YEATS2: variants seen among roughly 807,000 people sequenced by gnomAD.
YEATS2 encodes YEATS domain-containing protein 2.
In YEATS2, 77 loss-of-function variants were observed where a neutral mutation model predicts 163.2. That is an observed-to-expected ratio of 0.47 (90% CI 0.39 to 0.57). YEATS2 has a LOEUF of 0.57. YEATS2 is among the 20% of genes least tolerant of loss of function. The pLI, the probability that YEATS2 is intolerant of heterozygous loss-of-function variation, is 0.00. For missense variants in YEATS2, 1,549 were observed against 1,729.8 expected (o/e 0.90, Z 1.85); for synonymous variants, 631 against 645.1 (o/e 0.98, Z 0.33).
At chr3:183,745,732 C>A (rs917272234) in intron 8 of YEATS2, among the ~76,000 whole-genome samples, 1 of 152,146 alleles carries the variant, frequency 6.6e-6, no homozygotes, top group Non-Finnish European at 1.5e-5. Flanking sequence ...TCTCTCCTTA[C>A]CCATTACCCT....
chr3:183,747,025 C>T (rs1387421119), intron 8 of YEATS2, among the ~76,000 whole-genome samples: 1 of 151,684 alleles, frequency 6.6e-6, no homozygotes. Flanking sequence ...AGAACTTAAC[C>T]TTTTTCTGTG....
intron 25 of YEATS2, chr3:183,802,996 T>C: frequency 6.5e-6 from 3 of 461,314 alleles, no homozygotes; most frequent in South Asian, 5.8e-5. Flanking sequence ...CCACAGACTT[T>C]AATAGTCTAT....
At chr3:183,702,822 ACTCT>A (rs533314940) in intron 1 of YEATS2, among the ~76,000 whole-genome samples, 4 of 145,030 alleles carry the variant, frequency 2.8e-5, no homozygotes, top group African/African-American at 1.0e-4. Flanking sequence ...CGACAGCAAG[ACTCT>A]CTCTCTCAAA....
chr3:183,737,638 C>T (rs1210503941), intron 8 of YEATS2, among the ~76,000 whole-genome samples: 1 of 152,128 alleles, frequency 6.6e-6, no homozygotes, highest in Admixed American at 6.6e-5. Flanking sequence ...CAGAAATGAA[C>T]GTGTTTTGGA....
At chr3:183,740,818 G>T (rs540528022) in intron 8 of YEATS2, among the ~76,000 whole-genome samples, 6 of 152,234 alleles carry the variant, frequency 3.9e-5, no homozygotes, top group Non-Finnish European at 8.8e-5. Flanking sequence ...CACTGTAGGT[G>T]AAACAGGCTT....
At position 183,756,508 on chromosome 3, in the gene YEATS2, C is replaced by A; in HGVS notation, c.1391-20C>A. On this transcript the variant is annotated intron_variant, in intron 11 of 30. Transcript: ENST00000305135. ...TGAATATGTGTATTTTGTTTGTATT[C>A]TCTCTTTTTAATTAATAAGGTTCCC... The A allele has an allele frequency of 1.3e-6, 2 of 1,527,646 alleles. No individual in the cohort carries two copies. Among genetic ancestry groups the A allele is most frequent in the Non-Finnish European group, 8.8e-7 (1 of 1,138,062 alleles). 94.6% of individuals were successfully genotyped at this position (1,527,646 alleles called of 1,614,324 possible). A position where few individuals can be genotyped will look rare whatever the true frequency, so the allele number is the denominator to read the frequency against.
intron 8 of YEATS2, among the ~76,000 whole-genome samples, chr3:183,742,993 T>A (rs1455593336): frequency 6.6e-6 from 1 of 152,232 alleles, no homozygotes; most frequent in Non-Finnish European, 1.5e-5. Flanking sequence ...AATTAAGTTA[T>A]GTAGATTATT....
intron 22 of YEATS2, 46 bp downstream of exon 22, chr3:183,798,097 A>G: frequency 6.2e-7 from 1 of 1,606,198 alleles, no homozygotes; most frequent in Non-Finnish European, 8.5e-7. Context: ...CTGCCTCCAC[A>G]TCTCCCCGCA....
chr3:183,772,799 G>A (rs1023587546), intron 16 of YEATS2, among the ~76,000 whole-genome samples: 2 of 148,570 alleles, frequency 1.3e-5, no homozygotes, highest in Non-Finnish European at 3.0e-5. Flanking sequence ...ACACACACAC[G>A]AACAAATCAT....
At chr3:183,744,815 T>C (rs1719352244) in intron 8 of YEATS2, among the ~76,000 whole-genome samples, 3 of 152,120 alleles carry the variant, frequency 2.0e-5, no homozygotes, top group Admixed American at 1.3e-4. Context: ...CATAATCTCT[T>C]TTACATTCCG....
At chr3:183,789,838 C>T (rs969315429) in intron 20 of YEATS2, among the ~76,000 whole-genome samples, 4 of 152,010 alleles carry the variant, frequency 2.6e-5, no homozygotes, top group African/African-American at 9.7e-5. Flanking sequence ...TGCACCTGGC[C>T]GCTCTAGTTA....
At chr3:183,798,217 T>TGTGTACAGCCACCCTTCAGC (rs1560329714) in intron 22 of YEATS2, among the ~76,000 whole-genome samples, 166 bp downstream of exon 22, 8 of 152,314 alleles carry the variant, frequency 5.3e-5, no homozygotes, top group African/African-American at 1.9e-4. Flanking sequence ...TCCCAGCGCC[T>TGTGTACAGCCACCCTTCAGC]TGAATGCTAG....
chr3:183,703,938 A>G (rs1016486209), intron 1 of YEATS2, among the ~76,000 whole-genome samples: 1 of 152,028 alleles, frequency 6.6e-6, no homozygotes, highest in Non-Finnish European at 1.5e-5. Context: ...AGGCAGGCGG[A>G]TCACCTGAGG....
At chr3:183,782,922 G>T (rs754258655) in intron 19 of YEATS2, among the ~76,000 whole-genome samples, 21 of 152,200 alleles carry the variant, frequency 1.4e-4, no homozygotes, top group Non-Finnish European at 2.8e-4. Context: ...TAGTAAAATG[G>T]TTGTACTGTT....
intron 1 of YEATS2, among the ~76,000 whole-genome samples, chr3:183,714,341 G>A (rs1715598040): frequency 6.6e-6 from 1 of 150,980 alleles, no homozygotes; most frequent in Non-Finnish European, 1.5e-5. Context: ...GACTACAGGT[G>A]CCTGCCACCA....
intron 4 of YEATS2, among the ~76,000 whole-genome samples, chr3:183,718,799 A>C (rs4912468): frequency 0.017 from 2,567 of 152,238 alleles, 79 homozygotes; most frequent in East Asian, 0.14. Context: ...AGTTCAGGCG[A>C]TTCTCCTGCC....
chr3:183,754,054 T>A, intron 10 of YEATS2, 72 bp from the exon 11 acceptor site: 1 of 1,459,328 alleles, frequency 6.9e-7, no homozygotes, highest in Non-Finnish European at 9.1e-7. Flanking sequence ...ATTTTTATTC[T>A]TTTTCCACAA....
chr3:183,740,602 G>C (rs75681255), intron 8 of YEATS2, among the ~76,000 whole-genome samples: 2,447 of 152,312 alleles, frequency 0.016, 48 homozygotes, highest in African/African-American at 0.057. Flanking sequence ...CTTCAATTCT[G>C]TCAAGACTGA....
In YEATS2 at chr3:183,756,655, G is replaced by A. The variant is rs375543035; in HGVS notation, c.1518G>A (p.Pro506=). 3.2e-5 allele frequency: 51 copies of A among 1,590,982 alleles called. No homozygotes were observed. Among genetic ancestry groups the A allele is most frequent in the Middle Eastern group, 1.7e-4 (1 of 6,024 alleles). The change falls in exon 12 of 31, where the codon CCG becomes CCA. Residue 506 remains proline, a synonymous_variant. Coordinates refer to ENST00000305135, the MANE Select transcript of YEATS2 (RefSeq NM_018023.5). The stretch of plus-strand genomic sequence containing the variant: ...CTTATGTTATCATGGACAAGCAGCC[G>A]GGGCAGGTGATTGGAGCCACCACTC... ...NNPYVIMDKQ[P]GQVIGATTPS...
Sources: allele counts gnomAD v4.1 joint callset (sites outside exome capture counted in the v4.1 genomes callset), GRCh38; gene constraint gnomAD v4.1.1; transcripts MANE v1.5; gene names NCBI Gene and HGNC (gene_info 2026-07-23, HGNC 2026-07-21).